The following OPCML variants were observed in gnomAD, a reference collection of about 807,000 sequenced individuals.
OPCML encodes the protein opioid binding protein/cell adhesion molecule like.
Under a neutral mutation model 37.8 loss-of-function variants are expected in OPCML, and 13 were observed. The observed-to-expected ratio is 0.34, with a 90% CI of 0.22 to 0.55. OPCML has a LOEUF of 0.55. OPCML is among the 20% of genes least tolerant of loss of function. The pLI, the probability that OPCML is intolerant of heterozygous loss-of-function variation, is 0.91. For missense variants in OPCML, 341 were observed against 435.6 expected (o/e 0.78, Z 1.93); for synonymous variants, 176 against 168.8 (o/e 1.04, Z -0.33).
At position 133,234,894 on chromosome 11, in the gene OPCML, G is replaced by A. The variant is rs543193469; in HGVS notation, c.62-291884C>T. ...GGAGTAATGATCAAAGTCCAGGCTC[G>A]TCTCTGGCCAAGCCTATTTCCATGG... On this transcript the variant is annotated intron_variant, in intron 1 of 7. Transcript: ENST00000524381. Among the ~76,000 whole-genome samples, 71 of 152,202 alleles carry A rather than the reference G, an allele frequency of 4.7e-4. 1 individual carries two copies. The South Asian group carries it at 0.012, about 27-fold the overall frequency.
At chr11:133,510,321 G>C (rs545044611) in intron 1 of OPCML, among the ~76,000 whole-genome samples, 1 of 152,214 alleles carries the variant, frequency 6.6e-6, no homozygotes, top group African/African-American at 2.4e-5. Context: ...AGGGGAAAGT[G>C]CACTGCCCAG....
intron 2 of OPCML, among the ~76,000 whole-genome samples, chr11:132,736,678 A>G (rs1945271230): frequency 6.6e-6 from 1 of 152,178 alleles, no homozygotes; most frequent in Non-Finnish European, 1.5e-5. Context: ...AGCCTTATGG[A>G]GAGGGACACA....
Position 132,420,146 on chromosome 11 carries a change from T to C in OPCML, c.*47A>G. 1 of 1,547,114 alleles carries C rather than the reference T, an allele frequency of 6.5e-7. No individual in the cohort carries two copies. The highest frequency in any genetic ancestry group is 8.9e-7 in the Non-Finnish European group (1 of 1,120,760). ...GCTCTCCGCAGTGTAGATTAAAGTC[T>C]GTGATATGGAGAAGCAGGCGTTGCT... On this transcript the variant is annotated 3_prime_UTR_variant, in exon 8 of 8. Coordinates refer to ENST00000524381, the MANE Select transcript of OPCML (RefSeq NM_001012393.5).
chr11:133,516,806 T>C lies in OPCML; in HGVS notation c.61+15458A>G, dbSNP rs573763687. 4.6e-5 allele frequency among the ~76,000 whole-genome samples: 7 copies of C among 152,312 alleles called. No homozygotes were observed. In the South Asian group the frequency reaches 1.2e-3, roughly 27 times the overall value. On this transcript the variant is annotated intron_variant, in intron 1 of 7. Coordinates refer to ENST00000524381, the MANE Select transcript of OPCML (RefSeq NM_001012393.5). ...TTTCTTCTCGCAAAGACTGTTTGCATTGATTTCCCTTCAGTGGTCTTTTTT... is the reference window on the plus strand; with the variant it reads ...TTTCTTCTCGCAAAGACTGTTTGCACTGATTTCCCTTCAGTGGTCTTTTTT...
chr11:132,430,956 G>T (rs994805554), intron 7 of OPCML, among the ~76,000 whole-genome samples: 1 of 152,140 alleles, frequency 6.6e-6, no homozygotes, highest in African/African-American at 2.4e-5. Context: ...GACAAAGGGG[G>T]TTGGCGAACT....
chr11:132,856,494 A>G (rs1942062444), intron 2 of OPCML, among the ~76,000 whole-genome samples: 2 of 152,118 alleles, frequency 1.3e-5, no homozygotes, highest in South Asian at 4.1e-4. Context: ...CTAAAATAAG[A>G]ATTGGTCACA....
intron 1 of OPCML, among the ~76,000 whole-genome samples, chr11:133,149,599 C>A (rs1319479547): frequency 1.3e-5 from 2 of 152,178 alleles, no homozygotes; most frequent in African/African-American, 2.4e-5. Context: ...CTTGATGTTG[C>A]CAGAGACAGA....
At chr11:133,219,162 C>T (rs551740718) in intron 1 of OPCML, among the ~76,000 whole-genome samples, 2 of 152,290 alleles carry the variant, frequency 1.3e-5, no homozygotes, top group South Asian at 2.1e-4. Context: ...GGAAGAAACA[C>T]GGCTTCTCTC....
intron 2 of OPCML, among the ~76,000 whole-genome samples, chr11:132,738,318 A>G (rs1945324557): frequency 6.6e-6 from 1 of 152,224 alleles, no homozygotes; most frequent in South Asian, 2.1e-4. Context: ...AAAATTCCTA[A>G]GTGCCAGAAA....
intron 1 of OPCML, among the ~76,000 whole-genome samples, chr11:133,228,133 A>T (rs1940119105): frequency 6.6e-6 from 1 of 152,150 alleles, no homozygotes; most frequent in African/African-American, 2.4e-5. Flanking sequence ...AATTGCGGCC[A>T]GAGACTGCTA....
intron 1 of OPCML, among the ~76,000 whole-genome samples, chr11:133,257,374 A>G (rs138888851): frequency 4.7e-4 from 72 of 152,300 alleles, no homozygotes; most frequent in African/African-American, 1.7e-3. Flanking sequence ...GATGATTCTC[A>G]TTTTACTGTG....
intron 1 of OPCML, among the ~76,000 whole-genome samples, chr11:132,964,919 C>G (rs1408125335): frequency 6.6e-6 from 1 of 152,174 alleles, no homozygotes; most frequent in Non-Finnish European, 1.5e-5. Flanking sequence ...CTGGTGGATT[C>G]AGACCTAGGT....
intron 1 of OPCML, among the ~76,000 whole-genome samples, chr11:132,953,213 C>G (rs562960754): frequency 9.2e-5 from 14 of 152,262 alleles, no homozygotes; most frequent in Middle Eastern, 3.4e-3. Context: ...CCTGATTCCT[C>G]TGCTACAGAC....
At chr11:133,279,908 G>A (rs1043718273) in intron 1 of OPCML, among the ~76,000 whole-genome samples, 6 of 152,114 alleles carry the variant, frequency 3.9e-5, no homozygotes, top group Non-Finnish European at 8.8e-5. Flanking sequence ...TTGGTTATTT[G>A]TGAGGAAATA....
At chr11:133,280,241 G>C (rs530044511) in intron 1 of OPCML, among the ~76,000 whole-genome samples, 1 of 152,270 alleles carries the variant, frequency 6.6e-6, no homozygotes, top group South Asian at 2.1e-4. Context: ...TTACCAGCCT[G>C]TCCTTTTCTC....
chr11:133,353,504 G>A (rs138911405), intron 1 of OPCML, among the ~76,000 whole-genome samples: 473 of 152,246 alleles, frequency 3.1e-3, no homozygotes, highest in African/African-American at 9.8e-3. Context: ...ATGAGGGGGA[G>A]CATCTGGCTT....
chr11:132,966,677 G>A (rs1359285884), intron 1 of OPCML, among the ~76,000 whole-genome samples: 1 of 151,822 alleles, frequency 6.6e-6, no homozygotes, highest in African/African-American at 2.4e-5. Context: ...TTGTTGAATT[G>A]GTTATTTCCC....
chr11:133,030,522 C>A (rs1947646633), intron 1 of OPCML, among the ~76,000 whole-genome samples: 1 of 152,162 alleles, frequency 6.6e-6, no homozygotes, highest in South Asian at 2.1e-4. Flanking sequence ...ATCCGTCTAA[C>A]AGAATCATCA....
At chr11:133,005,149 G>C in intron 1 of OPCML, 5 of 985,294 alleles carry the variant, frequency 5.1e-6, no homozygotes, top group Non-Finnish European at 6.0e-6. Context: ...GCCTGCTCCT[G>C]CACCACTGAC....
Sources: allele counts gnomAD v4.1 joint callset (sites outside exome capture counted in the v4.1 genomes callset), GRCh38; gene constraint gnomAD v4.1.1; transcripts MANE v1.5; gene names NCBI Gene and HGNC (gene_info 2026-07-23, HGNC 2026-07-21).